The following GNL3L variants were observed in gnomAD, a reference collection of about 807,000 sequenced individuals.
GNL3L encodes the protein guanine nucleotide-binding protein-like 3-like protein.
A neutral mutation model predicts 42.9 loss-of-function variants in GNL3L; 4 were observed. The observed-to-expected ratio is 0.09, with a 90% CI of 0.05 to 0.21. GNL3L has a LOEUF of 0.21. GNL3L is among the 10% of genes least tolerant of loss of function. The probability of loss-of-function intolerance (pLI) is 1.00; values close to 1 mark genes in which losing one functional copy is unlikely to be tolerated. For missense variants in GNL3L, 412 were observed against 481.7 expected, an observed-to-expected ratio of 0.86 and a Z score of 1.36; for synonymous variants, 159 against 176.3, an observed-to-expected ratio of 0.90 and a Z score of 0.78.
chrX:54,642,718 C>T, the GNL3L span, among the ~76,000 whole-genome samples: 7 of 110,741 alleles, frequency 6.3e-5, no homozygotes, highest in African/African-American at 2.3e-4. Flanking sequence ...ACTCTTGGCC[C>T]CACTGCTTTC....
At chrX:54,626,670 C>T in the GNL3L span, among the ~76,000 whole-genome samples, 2 of 111,537 alleles carry the variant, frequency 1.8e-5, no homozygotes, top group Admixed American at 9.5e-5. Flanking sequence ...TCCATGTCCT[C>T]GCCAACATTT....
intron 16 of GNL3L, among the ~76,000 whole-genome samples, chrX:54,577,845 G>A (rs770093654): frequency 9.0e-6 from 1 of 110,541 alleles, no homozygotes; most frequent in African/African-American, 3.3e-5. Flanking sequence ...AGGCTCAGGT[G>A]GTCTTCCCAT....
chrX:54,568,648 G>C (rs1925499734), downstream of GNL3L, among the ~76,000 whole-genome samples: 1 of 110,014 alleles, frequency 9.1e-6, no homozygotes, highest in Non-Finnish European at 1.9e-5. Flanking sequence ...CTGCCTCCTG[G>C]GTTCAAGTGA....
chrX:54,559,534 T>G (rs1172156943), intron 15 of GNL3L, among the ~76,000 whole-genome samples: 1 of 112,000 alleles, frequency 8.9e-6, no homozygotes, highest in African/African-American at 3.2e-5. Flanking sequence ...CTATCATTTT[T>G]CCACTCACTA....
At chrX:54,546,044 G>C (rs1485523306) in intron 8 of GNL3L, among the ~76,000 whole-genome samples, 3 of 111,435 alleles carry the variant, frequency 2.7e-5, no homozygotes, top group Non-Finnish European at 5.7e-5. Flanking sequence ...TTGTAGAGAT[G>C]GGGGGAGGGT....
At chrX:54,598,334 C>G (rs892203866) in intron 16 of GNL3L, among the ~76,000 whole-genome samples, 1 of 111,457 alleles carries the variant, frequency 9.0e-6, no homozygotes, top group African/African-American at 3.3e-5. Flanking sequence ...AAACAAGGGT[C>G]ACTTGAGGTA....
intron 16 of GNL3L, among the ~76,000 whole-genome samples, chrX:54,582,229 G>C (rs767326690): frequency 9.0e-6 from 1 of 111,356 alleles, no homozygotes; most frequent in African/African-American, 3.3e-5. Flanking sequence ...TCCCCTCTCT[G>C]TTGCTTACTC....
At chrX:54,571,257 G>C (rs1347966134), downstream of GNL3L, among the ~76,000 whole-genome samples, 1 of 103,046 alleles carries the variant, frequency 9.7e-6, no homozygotes, top group Non-Finnish European at 2.0e-5. Context: ...GCAGTGGCAC[G>C]ATCTCAGCTC....
At chrX:54,585,789 G>T (rs1925776341) in intron 16 of GNL3L, among the ~76,000 whole-genome samples, 1 of 108,921 alleles carries the variant, frequency 9.2e-6, no homozygotes, top group Non-Finnish European at 1.9e-5. Flanking sequence ...TTTGGCCTCA[G>T]TTTTTTTTTC....
At chrX:54,534,241 G>GGCACA (rs1924355368) in intron 2 of GNL3L, among the ~76,000 whole-genome samples, 2 of 107,815 alleles carry the variant, frequency 1.9e-5, no homozygotes, top group African/African-American at 7.0e-5. Flanking sequence ...TGGTGAGTCT[G>GGCACA]GAGGGCTACG....
Position 54,551,533 on chromosome X carries a change from C to CCCA in GNL3L, c.864-35_864-34insCCA, listed in dbSNP as rs746773945. On this transcript the variant is annotated intron_variant, in intron 10 of 15. Coordinates refer to ENST00000360845, the MANE Select transcript of GNL3L (RefSeq NM_001184819.2). ...TTCGTGATTGGGGCCTCTACGATGC[C>CCCA]AGGTACATCTGGGCTTTCTTCTTCC... The CCCA allele has an allele frequency of 3.4e-6, 4 of 1,176,280 alleles. No homozygotes were observed. In the East Asian group the frequency reaches 8.9e-5, roughly 26 times the overall value.
In GNL3L at chrX:54,551,905, G is replaced by C; in HGVS notation, c.1112G>C (p.Gly371Ala). Residue 371 changes from glycine (G) to alanine (A), a missense_variant, in exon 12 of 16, where the codon GGG becomes GCG. Transcript: ENST00000360845. ...HFLTAVAHRL[G>A]KKKKGGLYSQ... is the part of the protein sequence containing the mutation. ...CTGACGGCAGTGGCCCACCGTTTGG[G>C]GAAGAAGAAGAAGGGAGGCTTATAT... 1.7e-6 allele frequency: 2 copies of C among 1,211,217 alleles called. No homozygotes were observed. The highest frequency in any genetic ancestry group is 2.2e-6 in the Non-Finnish European group (2 of 894,751).
the GNL3L span, among the ~76,000 whole-genome samples, chrX:54,643,067 A>G: frequency 8.9e-6 from 1 of 112,067 alleles, no homozygotes; most frequent in Non-Finnish European, 1.9e-5. Flanking sequence ...AAATATGAAT[A>G]TATGCTTTTG....
intron 16 of GNL3L, among the ~76,000 whole-genome samples, chrX:54,586,973 A>G (rs1925791443): frequency 8.9e-6 from 1 of 111,923 alleles, no homozygotes; most frequent in South Asian, 3.7e-4. Flanking sequence ...AACCCATCAC[A>G]GCCAGTTCCA....
At chrX:54,593,539 T>G (rs1484308683) in intron 16 of GNL3L, among the ~76,000 whole-genome samples, 2 of 110,728 alleles carry the variant, frequency 1.8e-5, no homozygotes, top group African/African-American at 6.5e-5. Flanking sequence ...GTTTGTCAAT[T>G]TTTATCTTCT....
chrX:54,604,706 T>C (rs753162097), intron 16 of GNL3L, among the ~76,000 whole-genome samples: 2 of 111,878 alleles, frequency 1.8e-5, no homozygotes, highest in African/African-American at 6.5e-5. Flanking sequence ...TACAGCTATA[T>C]AGTATGAACA....
intron 2 of GNL3L, among the ~76,000 whole-genome samples, chrX:54,536,772 G>A (rs1262949787): frequency 3.8e-5 from 3 of 79,435 alleles, no homozygotes; most frequent in South Asian, 8.9e-4. Context: ...GCAACAGAGC[G>A]AGACTTTGTC....
At chrX:54,551,168 C>T (rs1924926437) in intron 10 of GNL3L, 118 bp downstream of exon 10, 1 of 518,425 alleles carries the variant, frequency 1.9e-6, no homozygotes, top group Non-Finnish European at 3.4e-6. Context: ...GATGCTTTCC[C>T]CAGGCATGGG....
chrX:54,544,134 G>C, intron 7 of GNL3L, 89 bp from the exon 8 acceptor site: 1 of 510,738 alleles, frequency 2.0e-6, no homozygotes, highest in Admixed American at 3.0e-5. Context: ...GGTGGGCCTA[G>C]CTTTGGGTAC....
Sources: allele counts gnomAD v4.1 joint callset (sites outside exome capture counted in the v4.1 genomes callset), GRCh38; gene constraint gnomAD v4.1.1; transcripts MANE v1.5; gene names NCBI Gene and HGNC (gene_info 2026-07-23, HGNC 2026-07-21).